Variants in TMEM244 observed in about 807,000 individuals in gnomAD.
TMEM244 encodes the protein transmembrane protein 244.
A neutral mutation model predicts 15.8 loss-of-function variants in TMEM244; 13 were observed. That is an observed-to-expected ratio of 0.82 (90% confidence interval 0.53 to 1.30). TMEM244 has a LOEUF of 1.30. TMEM244 is among the 50% of genes most tolerant of loss of function. The probability of loss-of-function intolerance (pLI) is 0.00; values close to 1 mark genes in which losing one functional copy is unlikely to be tolerated. For missense variants in TMEM244, 161 were observed against 144.9 expected, an observed-to-expected ratio of 1.11 and a Z score of -0.57; for synonymous variants, 45 against 48.7, an observed-to-expected ratio of 0.92 and a Z score of 0.32.
rs769015799 is a variant in TMEM244 at position 129,831,345 on chromosome 6, A to T, written c.361T>A (p.Leu121Ile). The part of the protein sequence containing the change: ...FPLTSHWWAA[L>I]GISKLLV Reference sequence around the variant, plus strand: ...TAAACAAGCAATTTTGATATACCTAAAGCAGCCCACCAATGTGATGTCAAG... The same window carrying T: ...TAAACAAGCAATTTTGATATACCTATAGCAGCCCACCAATGTGATGTCAAG... Residue 121 changes from leucine (L) to isoleucine (I), a missense_variant, in exon 5 of 5, where the codon TTA (leucine) becomes ATA (isoleucine). Leu to Ile is a conservative substitution (Grantham distance 5). Coordinates refer to ENST00000368143, the MANE Select transcript of TMEM244 (RefSeq NM_001010876.2). 1.1e-5 allele frequency: 17 copies of T among 1,577,164 alleles called. No individual in the cohort carries two copies. In the African/African-American group the frequency reaches 2.3e-4, roughly 21 times the overall value.
intron 1 of TMEM244, among the ~76,000 whole-genome samples, chr6:129,858,565 T>C (rs11154513): frequency 0.53 from 80,893 of 151,908 alleles, 22,464 homozygotes; most frequent in Non-Finnish European, 0.63. Context: ...CATAATATTA[T>C]ATTTGTCTTA....
chr6:129,854,790 A>G (rs1335755988), intron 1 of TMEM244, among the ~76,000 whole-genome samples: 1 of 152,218 alleles, frequency 6.6e-6, no homozygotes, highest in Non-Finnish European at 1.5e-5. Flanking sequence ...TTATTGGGAC[A>G]TAATCCCACT....
At chr6:129,837,530 A>C (rs1389096033) in intron 3 of TMEM244, among the ~76,000 whole-genome samples, 3 of 152,228 alleles carry the variant, frequency 2.0e-5, no homozygotes, top group Non-Finnish European at 1.5e-5. Flanking sequence ...CAGGCAAAAT[A>C]ACCAGCTAAC....
rs1776514636 is a variant in TMEM244, at chr6:129,843,177, TTTAA to T, written c.193+349_193+352del. On this transcript the variant is annotated intron_variant, in intron 3 of 4. Transcript: ENST00000368143. ...GTATTATATGAACTCTTTTGCTGTA[TTTAA>T]TTTTCTATTTTATATCTCACAAATA... is the stretch of plus-strand genomic sequence containing the variant. Among the ~76,000 whole-genome samples the T allele has an allele frequency of 2.0e-5, 3 of 152,258 alleles. No individual in the cohort carries two copies. In the South Asian group the frequency reaches 6.2e-4, roughly 32 times the overall value.
Position 129,833,590 on chromosome 6 carries a change from A to T in TMEM244, c.194-5T>A. 1 of 1,610,288 alleles carries T rather than the reference A, an allele frequency of 6.2e-7. No homozygotes were observed. Among genetic ancestry groups the T allele is most frequent in the South Asian group, 1.1e-5 (1 of 90,338 alleles). Reference sequence around the variant, plus strand: ...CCTCTGTTGAAACTAAAAGAACTGCAAATACAAGGAAGAATATAATTATTG... The same window carrying T: ...CCTCTGTTGAAACTAAAAGAACTGCTAATACAAGGAAGAATATAATTATTG... On this transcript the variant is annotated splice_polypyrimidine_tract_variant and splice_region_variant and intron_variant, in intron 3 of 4. Transcript: ENST00000368143.
intron 3 of TMEM244, among the ~76,000 whole-genome samples, chr6:129,841,075 C>T (rs865836702): frequency 3.3e-5 from 5 of 152,102 alleles, no homozygotes; most frequent in Non-Finnish European, 5.9e-5. Context: ...CATTACTGGG[C>T]ATATACCCAA....
At chr6:129,839,497 C>T (rs898168228) in intron 3 of TMEM244, among the ~76,000 whole-genome samples, 6 of 152,180 alleles carry the variant, frequency 3.9e-5, no homozygotes, top group African/African-American at 1.4e-4. Flanking sequence ...AAACTGGAAG[C>T]ATTCCCTTTG....
chr6:129,832,768 G>A (rs1365471056), intron 4 of TMEM244, among the ~76,000 whole-genome samples: 1 of 152,160 alleles, frequency 6.6e-6, no homozygotes, highest in East Asian at 1.9e-4. Flanking sequence ...GTAAAAGGTA[G>A]GACTGGAATT....
In TMEM244 at chr6:129,831,569, C is replaced by T. The variant is rs117830188; in HGVS notation, c.320-183G>A. On this transcript the variant is annotated intron_variant, in intron 4 of 4. Coordinates refer to ENST00000368143, the MANE Select transcript of TMEM244 (RefSeq NM_001010876.2). ...CTAAAAGGTCATTTGTTAAGTCAAA[C>T]CTTTACAACTCTTCTCCTAGAAATA... Among the ~76,000 whole-genome samples the T allele has an allele frequency of 7.6e-3, 1,151 of 152,308 alleles. 7 individuals are homozygous for T. The highest frequency in any genetic ancestry group is 0.02 in the Middle Eastern group (6 of 294).
At chr6:129,833,250 C>T (rs1045876405) in intron 4 of TMEM244, among the ~76,000 whole-genome samples, 7 of 151,852 alleles carry the variant, frequency 4.6e-5, no homozygotes, top group Non-Finnish European at 8.8e-5. Context: ...CAAAATAAAA[C>T]GCTTTTAAAA....
intron 3 of TMEM244, among the ~76,000 whole-genome samples, chr6:129,834,666 C>T (rs981068362): frequency 2.6e-4 from 40 of 152,176 alleles, no homozygotes; most frequent in Non-Finnish European, 2.5e-4. Context: ...TTTAATTTAA[C>T]TTAACACGTT....
chr6:129,835,756 C>T (rs979025033), intron 3 of TMEM244, among the ~76,000 whole-genome samples: 2 of 152,228 alleles, frequency 1.3e-5, no homozygotes, highest in African/African-American at 2.4e-5. Context: ...GATACCCTCC[C>T]ATGCCTGGTT....
At chr6:129,854,002 CTTG>C (rs1175884783) in intron 1 of TMEM244, among the ~76,000 whole-genome samples, 3 of 152,170 alleles carry the variant, frequency 2.0e-5, no homozygotes, top group Non-Finnish European at 2.9e-5. Flanking sequence ...TTGAGTTTTT[CTTG>C]TTGTCGCATT....
intron 3 of TMEM244, among the ~76,000 whole-genome samples, chr6:129,838,898 A>C (rs530186396): frequency 6.6e-6 from 1 of 152,328 alleles, no homozygotes; most frequent in African/African-American, 2.4e-5. Context: ...GAATCTCTGA[A>C]TAGACCAATA....
At chr6:129,857,152 T>C (rs1358250995) in intron 1 of TMEM244, among the ~76,000 whole-genome samples, 2 of 152,050 alleles carry the variant, frequency 1.3e-5, no homozygotes, top group Non-Finnish European at 2.9e-5. Flanking sequence ...TAAAATTGTT[T>C]GTGTTAGTAT....
chr6:129,844,153 A>G (rs940544126), intron 2 of TMEM244, among the ~76,000 whole-genome samples: 1 of 152,210 alleles, frequency 6.6e-6, no homozygotes, highest in Non-Finnish European at 1.5e-5. Context: ...AAAACCTGCT[A>G]AGCAGAAAAA....
chr6:129,844,414 T>C (rs940490346), intron 2 of TMEM244, among the ~76,000 whole-genome samples: 1 of 152,214 alleles, frequency 6.6e-6, no homozygotes, highest in African/African-American at 2.4e-5. Flanking sequence ...GGTGGTGCTA[T>C]AACCGTGCAC....
chr6:129,856,397 A>G (rs530092513), intron 1 of TMEM244, among the ~76,000 whole-genome samples: 1 of 152,294 alleles, frequency 6.6e-6, no homozygotes, highest in Admixed American at 6.5e-5. Context: ...GAAGCTTTAT[A>G]GTATGTTTTA....
At chr6:129,848,594 A>T (rs190008731) in intron 1 of TMEM244, among the ~76,000 whole-genome samples, 1 of 152,264 alleles carries the variant, frequency 6.6e-6, no homozygotes, top group African/African-American at 2.4e-5. Flanking sequence ...AAGATCAAAA[A>T]AAAAATGTAG....
Sources: allele counts gnomAD v4.1 joint callset (sites outside exome capture counted in the v4.1 genomes callset), GRCh38; gene constraint gnomAD v4.1.1; transcripts MANE v1.5; gene names NCBI Gene and HGNC (gene_info 2026-07-23, HGNC 2026-07-21).